The following SMYD3 variants were observed in gnomAD, a reference collection of about 807,000 sequenced individuals.
The protein encoded by SMYD3 is SET and MYND domain containing 3, also known as histone-lysine N-methyltransferase SMYD3.
SMYD3 carries 36 observed loss-of-function variants against 57.7 expected under a neutral mutation model. The ratio of observed to expected loss-of-function variants is 0.62; its 90% confidence interval spans 0.48 to 0.82. The LOEUF (loss-of-function observed/expected upper bound fraction) is 0.82. Ranked by LOEUF, SMYD3 falls within the 40% of genes least tolerant of loss-of-function variation. SMYD3 has a pLI of 0.00. For synonymous variants in SMYD3, 211 were observed against 195.0 expected, an observed-to-expected ratio of 1.08 and a Z score of -0.68; for missense variants, 515 against 538.8, an observed-to-expected ratio of 0.96 and a Z score of 0.44.
At chr1:245,782,829 G>T (rs2148145504) in intron 10 of SMYD3, among the ~76,000 whole-genome samples, 1 of 152,350 alleles carries the variant, frequency 6.6e-6, no homozygotes, top group Non-Finnish European at 1.5e-5. Flanking sequence ...CCTAATGCCA[G>T]AGTCTAGGAG....
chr1:245,822,004 C>T (rs1471793558), intron 10 of SMYD3, among the ~76,000 whole-genome samples: 6 of 152,108 alleles, frequency 3.9e-5, no homozygotes, highest in Admixed American at 3.9e-4. Flanking sequence ...CCTCAGGGAT[C>T]TCGAACTAGA....
At chr1:246,457,348 A>G (rs2067713047) in intron 1 of SMYD3, among the ~76,000 whole-genome samples, 1 of 152,084 alleles carries the variant, frequency 6.6e-6, no homozygotes, top group African/African-American at 2.4e-5. Flanking sequence ...CCTGGCCAAC[A>G]TGGTGAAACC....
At chr1:246,125,917 C>T (rs1397642937) in intron 5 of SMYD3, among the ~76,000 whole-genome samples, 2 of 151,904 alleles carry the variant, frequency 1.3e-5, no homozygotes, top group Non-Finnish European at 2.9e-5. Flanking sequence ...TGGCAACTAC[C>T]TATCCACTGT....
At chr1:246,026,534 T>C (rs1482075639) in intron 5 of SMYD3, among the ~76,000 whole-genome samples, 4 of 152,252 alleles carry the variant, frequency 2.6e-5, no homozygotes, top group Non-Finnish European at 5.9e-5. Context: ...TGTTGTCACA[T>C]TTTGGTAATT....
Position 246,046,533 on chromosome 1 carries a change from G to A in SMYD3, c.532-116596C>T, listed in dbSNP as rs556082145. Among the ~76,000 whole-genome samples the A allele has an allele frequency of 2.6e-5, 4 of 151,914 alleles. No individual in the cohort carries two copies. The South Asian group carries it at 8.3e-4, about 32-fold the overall frequency. On this transcript the variant is annotated intron_variant, in intron 5 of 11. Coordinates refer to ENST00000490107, the MANE Select transcript of SMYD3 (RefSeq NM_001167740.2). ...GAGATATATCTAATGTGAATGATGAGTTAATGGGTGCAGCACACCAACATG... is the reference window on the plus strand; with the variant it reads ...GAGATATATCTAATGTGAATGATGAATTAATGGGTGCAGCACACCAACATG...
intron 1 of SMYD3, among the ~76,000 whole-genome samples, chr1:246,493,210 G>T (rs867310935): frequency 2.8e-5 from 4 of 144,866 alleles, no homozygotes; most frequent in East Asian, 2.2e-4. Context: ...CCTAGCTACT[G>T]GGGGGGAGGA....
chr1:246,443,916 C>CAT (rs760685592), intron 1 of SMYD3, among the ~76,000 whole-genome samples: 17 of 152,164 alleles, frequency 1.1e-4, no homozygotes, highest in Non-Finnish European at 2.2e-4. Context: ...ATTCATATTT[C>CAT]ATTTCAAATA....
intron 5 of SMYD3, among the ~76,000 whole-genome samples, chr1:246,258,259 A>T (rs2063934831): frequency 1.3e-5 from 2 of 151,648 alleles, no homozygotes; most frequent in South Asian, 4.2e-4. Context: ...CTGGTCTCAA[A>T]CTCCTGACCT....
intron 8 of SMYD3, among the ~76,000 whole-genome samples, chr1:245,908,575 C>T (rs2054744006): frequency 1.3e-5 from 2 of 152,312 alleles, no homozygotes; most frequent in South Asian, 4.1e-4. Flanking sequence ...ATAAATGATA[C>T]ATTAGTCCTC....
At chr1:245,821,143 A>G (rs2049132916) in intron 10 of SMYD3, among the ~76,000 whole-genome samples, 2 of 149,878 alleles carry the variant, frequency 1.3e-5, no homozygotes, top group Non-Finnish European at 3.0e-5. Flanking sequence ...CTGACTTCAA[A>G]CTATACTACA....
At chr1:246,337,936 C>A (rs962513948) in intron 2 of SMYD3, among the ~76,000 whole-genome samples, 7 of 149,720 alleles carry the variant, frequency 4.7e-5, no homozygotes, top group African/African-American at 1.7e-4. Context: ...CCTGTTAAAA[C>A]AACTTTAGGT....
intron 10 of SMYD3, among the ~76,000 whole-genome samples, chr1:245,831,300 A>G (rs2049818507): frequency 6.6e-6 from 1 of 152,208 alleles, no homozygotes; most frequent in Non-Finnish European, 1.5e-5. Context: ...AATGCTAGCC[A>G]TGACATATGC....
At chr1:246,378,719 A>AT (rs1558433560) in intron 1 of SMYD3, among the ~76,000 whole-genome samples, 1 of 38,014 alleles carries the variant, frequency 2.6e-5, no homozygotes, top group African/African-American at 6.9e-5. Flanking sequence ...TATATAATAT[A>AT]ATATATTATA....
intron 11 of SMYD3, among the ~76,000 whole-genome samples, chr1:245,752,707 C>G (rs907708687): frequency 6.6e-6 from 1 of 152,208 alleles, no homozygotes; most frequent in South Asian, 2.1e-4. Flanking sequence ...TCCAGTTCTT[C>G]AGCCATTCTG....
intron 6 of SMYD3, among the ~76,000 whole-genome samples, chr1:245,928,774 G>T (rs993588656): frequency 3.3e-5 from 5 of 152,142 alleles, no homozygotes; most frequent in African/African-American, 1.2e-4. Context: ...AGAAATGGCC[G>T]CCTTTGCTAG....
intron 5 of SMYD3, among the ~76,000 whole-genome samples, chr1:246,180,269 A>ATG (rs1489968141): frequency 1.4e-5 from 2 of 147,406 alleles, no homozygotes; most frequent in Non-Finnish European, 3.0e-5. Flanking sequence ...CTCTATATAT[A>ATG]TGTGTATATA....
intron 6 of SMYD3, 141 bp downstream of exon 6, chr1:245,929,729 T>G: frequency 1.5e-6 from 1 of 655,116 alleles, no homozygotes; most frequent in Non-Finnish European, 2.7e-6. Flanking sequence ...ATTTTCCATT[T>G]TTTTGTAATT....
intron 1 of SMYD3, among the ~76,000 whole-genome samples, chr1:246,394,663 T>C (rs7521539): frequency 0.029 from 4,430 of 152,312 alleles, 228 homozygotes; most frequent in African/African-American, 0.1. Context: ...TGCTTTATTA[T>C]ATGAGAGCCT....
intron 5 of SMYD3, among the ~76,000 whole-genome samples, chr1:246,017,926 C>G (rs2059404718): frequency 6.6e-6 from 1 of 152,190 alleles, no homozygotes; most frequent in Non-Finnish European, 1.5e-5. Context: ...CTATGTCCTT[C>G]TGCTATATCC....
Sources: gnomAD v4.1 joint callset for allele counts (sites outside exome capture counted in the v4.1 genomes callset) on GRCh38, gnomAD v4.1.1 for gene constraint, MANE v1.5 for transcripts, NCBI Gene and HGNC (gene_info 2026-07-23, HGNC 2026-07-21) for gene names.